Variants in EXOC6B observed in about 807,000 individuals in gnomAD.
The protein encoded by EXOC6B is exocyst complex component 6B, also known as SEC15 homolog B.
In EXOC6B, 54 loss-of-function variants were observed where a neutral mutation model predicts 113.5. The observed-to-expected ratio is 0.48, with a 90% confidence interval of 0.38 to 0.60. The LOEUF is 0.60. EXOC6B is among the 20% of genes least tolerant of loss of function. EXOC6B has a pLI of 0.00. For synonymous variants in EXOC6B, 357 were observed against 339.0 expected (o/e 1.05, Z -0.58); for missense variants, 797 against 977.5 (o/e 0.82, Z 2.46).
chr2:72,591,779 CAG>C (rs1315246721), intron 6 of EXOC6B, among the ~76,000 whole-genome samples: 1 of 151,964 alleles, frequency 6.6e-6, no homozygotes, highest in Non-Finnish European at 1.5e-5. Flanking sequence ...ATGTGTAAAT[CAG>C]AGAGTCTGTA....
intron 18 of EXOC6B, among the ~76,000 whole-genome samples, chr2:72,426,206 T>C (rs1191953534): frequency 6.6e-6 from 1 of 152,186 alleles, no homozygotes; most frequent in Non-Finnish European, 1.5e-5. Context: ...AATGTGGTTT[T>C]AATTATTTTT....
chr2:72,248,618 C>G (rs1017884602), intron 20 of EXOC6B, among the ~76,000 whole-genome samples: 1 of 152,034 alleles, frequency 6.6e-6, no homozygotes, highest in Non-Finnish European at 1.5e-5. Flanking sequence ...TTGTATGGAT[C>G]CTGCCTGTCT....
chr2:72,678,619 T>C (rs1306080344), intron 6 of EXOC6B, among the ~76,000 whole-genome samples: 1 of 152,152 alleles, frequency 6.6e-6, no homozygotes, highest in Non-Finnish European at 1.5e-5. Context: ...GGCACAAGAA[T>C]TGCTTGAGCC....
chr2:72,809,534 C>A (rs1366252553), intron 1 of EXOC6B, among the ~76,000 whole-genome samples: 1 of 148,578 alleles, frequency 6.7e-6, no homozygotes, highest in African/African-American at 2.5e-5. Context: ...GTAAAATAAC[C>A]CAAAGTAAAC....
In EXOC6B at chr2:72,482,498, G is replaced by T. The variant is rs567626066; in HGVS notation, c.1666-1748C>A. Reference sequence around the variant, plus strand: ...GTCTAGTGAGACAGTGAGCCAAGAGGTTGGGGGGTGGGGGTGGCATATGAC... The same window carrying T: ...GTCTAGTGAGACAGTGAGCCAAGAGTTTGGGGGGTGGGGGTGGCATATGAC... On this transcript the variant is annotated intron_variant, in intron 16 of 21. Transcript: ENST00000272427. Among the ~76,000 whole-genome samples the T allele has an allele frequency of 2.7e-3, 405 of 151,762 alleles. 1 individual carries two copies. The highest frequency in any genetic ancestry group is 9.5e-3 in the African/African-American group (394 of 41,322).
chr2:72,539,017 C>A (rs1426355209), intron 8 of EXOC6B, among the ~76,000 whole-genome samples: 1 of 152,168 alleles, frequency 6.6e-6, no homozygotes, highest in African/African-American at 2.4e-5. Context: ...CAATGCCTCA[C>A]TAACCTCAAG....
intron 18 of EXOC6B, among the ~76,000 whole-genome samples, chr2:72,401,561 A>T (rs1464575636): frequency 2.8e-5 from 1 of 35,424 alleles, no homozygotes; most frequent in South Asian, 6.0e-4. Flanking sequence ...ATATATATAT[A>T]TATACATATA....
intron 6 of EXOC6B, among the ~76,000 whole-genome samples, chr2:72,697,876 G>A (rs1431926432): frequency 6.6e-6 from 1 of 152,148 alleles, no homozygotes; most frequent in Admixed American, 6.6e-5. Context: ...CCAACTGGTA[G>A]AAAGAATGAC....
chr2:72,718,915 T>C (rs1042440033), intron 5 of EXOC6B, among the ~76,000 whole-genome samples: 2 of 152,162 alleles, frequency 1.3e-5, no homozygotes, highest in Non-Finnish European at 2.9e-5. Flanking sequence ...TCCTATAAAA[T>C]GAAGTATCCA....
chr2:72,743,552 C>T (rs778451712), intron 1 of EXOC6B, among the ~76,000 whole-genome samples: 1 of 152,062 alleles, frequency 6.6e-6, no homozygotes, highest in Non-Finnish European at 1.5e-5. Context: ...TCTCTTCCTC[C>T]TCACCGTCCA....
intron 1 of EXOC6B, among the ~76,000 whole-genome samples, chr2:72,799,336 G>A (rs987610923): frequency 1.3e-5 from 2 of 151,558 alleles, no homozygotes; most frequent in African/African-American, 2.4e-5. Flanking sequence ...TTAGGAGGTC[G>A]AGGTGGGCAG....
At chr2:72,415,293 T>C (rs998143017) in intron 18 of EXOC6B, among the ~76,000 whole-genome samples, 3 of 151,906 alleles carry the variant, frequency 2.0e-5, no homozygotes, top group Admixed American at 1.3e-4. Flanking sequence ...AGCTTACAAA[T>C]TGAATTCCTG....
chr2:72,512,082 G>T (rs1336378585), intron 11 of EXOC6B, among the ~76,000 whole-genome samples: 4 of 151,954 alleles, frequency 2.6e-5, no homozygotes, highest in Non-Finnish European at 5.9e-5. Flanking sequence ...TGCATAAATG[G>T]TGACTCATTG....
At chr2:72,183,237 A>C (rs1396855148) in intron 21 of EXOC6B, among the ~76,000 whole-genome samples, 1 of 152,212 alleles carries the variant, frequency 6.6e-6, no homozygotes, top group Non-Finnish European at 1.5e-5. Flanking sequence ...GATGCAGGGC[A>C]TTCTTCCAAG....
chr2:72,757,415 G>A (rs1247172009), intron 1 of EXOC6B, among the ~76,000 whole-genome samples: 2 of 152,104 alleles, frequency 1.3e-5, no homozygotes, highest in African/African-American at 2.4e-5. Context: ...ATTATCACAG[G>A]AATTTCCTCT....
At chr2:72,507,656 C>T (rs1375744804) in intron 11 of EXOC6B, among the ~76,000 whole-genome samples, 1 of 152,044 alleles carries the variant, frequency 6.6e-6, no homozygotes, top group Non-Finnish European at 1.5e-5. Context: ...CACTAGTCTA[C>T]TTTTTACCTC....
At chr2:72,459,384 G>A (rs1471314321) in intron 18 of EXOC6B, among the ~76,000 whole-genome samples, 5 of 152,090 alleles carry the variant, frequency 3.3e-5, no homozygotes, top group African/African-American at 7.2e-5. Flanking sequence ...GAAATAAAGG[G>A]TATTCAATTA....
chr2:72,586,932 A>G (rs906571574), intron 6 of EXOC6B, among the ~76,000 whole-genome samples: 1 of 152,174 alleles, frequency 6.6e-6, no homozygotes, highest in Non-Finnish European at 1.5e-5. Context: ...GTGAGGCTGC[A>G]GAGAAAAGGG....
At chr2:72,342,211 G>A (rs913197603) in intron 19 of EXOC6B, among the ~76,000 whole-genome samples, 2 of 151,456 alleles carry the variant, frequency 1.3e-5, no homozygotes, top group Non-Finnish European at 2.9e-5. Flanking sequence ...CACACATCAA[G>A]GAACTACAAA....
Sources: gnomAD v4.1 joint callset for allele counts (sites outside exome capture counted in the v4.1 genomes callset) on GRCh38, gnomAD v4.1.1 for gene constraint, MANE v1.5 for transcripts, NCBI Gene and HGNC (gene_info 2026-07-23, HGNC 2026-07-21) for gene names.